Variants in FLNC observed in about 807,000 individuals in gnomAD.
FLNC encodes the protein filamin C.
A neutral mutation model predicts 254.3 loss-of-function variants in FLNC; 91 were observed. The ratio of observed to expected loss-of-function variants is 0.36; its 90% CI spans 0.30 to 0.43. The LOEUF (loss-of-function observed/expected upper bound fraction) is 0.43. Ranked by LOEUF, FLNC falls within the 20% of genes least tolerant of loss-of-function variation. The pLI, the probability that FLNC is intolerant of heterozygous loss-of-function variation, is 1.00. For missense variants in FLNC, 2,853 were observed against 3,802.6 expected (o/e 0.75, Z 6.57); for synonymous variants, 1,430 against 1,577.2 (o/e 0.91, Z 2.21).
Position 128,838,374 on chromosome 7 carries a change from G to A in FLNC, c.1155G>A (p.Leu385=). ...AGGTGTCAGCCCGTGGCCCTGGCCT[G>A]GAACCTGTGGGCAATGTGGCCAACA... ...ANKVSARGPG[L]EPVGNVANKP... Residue 385 remains leucine, a synonymous_variant, in exon 7 of 48, where the codon CTG becomes CTA. Transcript: ENST00000325888. The A allele has an allele frequency of 1.9e-6, 3 of 1,614,108 alleles. No homozygotes were observed. Among genetic ancestry groups the A allele is most frequent in the South Asian group, 2.2e-5 (2 of 91,082 alleles).
intron 20 of FLNC, 36 bp downstream of exon 20, chr7:128,844,302 G>C (rs1463249756): frequency 7.0e-6 from 11 of 1,573,772 alleles, no homozygotes; most frequent in Non-Finnish European, 9.5e-6. Flanking sequence ...CTGGGAGTTG[G>C]GGACTTGTTG....
At chr7:128,831,143 C>T (rs1807875506) in intron 1 of FLNC, among the ~76,000 whole-genome samples, 154 bp downstream of exon 1, 1 of 152,106 alleles carries the variant, frequency 6.6e-6, no homozygotes, top group Admixed American at 6.5e-5. Flanking sequence ...GCCCTCCCAC[C>T]CATCGACAAG....
At position 128,844,182 on chromosome 7, in the gene FLNC, C is replaced by T. The variant is rs1808458303; in HGVS notation, c.3108C>T (p.Tyr1036=). 1 of 1,613,826 alleles carries T rather than the reference C, an allele frequency of 6.2e-7. No individual in the cohort carries two copies. The highest frequency in any genetic ancestry group is 1.1e-5 in the South Asian group (1 of 91,052). Residue 1036 remains tyrosine, a synonymous_variant, in exon 20 of 48, where the codon TAC becomes TAT. Coordinates refer to ENST00000325888, the MANE Select transcript of FLNC (RefSeq NM_001458.5). The part of the protein sequence containing the change: ...VRYMPPEEGP[Y]KVDITYDGHP... ...ACATGCCCCCGGAGGAGGGGCCCTA[C>T]AAGGTGGATATCACCTACGATGGTC...
rs1808103498 is a variant in FLNC, at chr7:128,836,635, C to T, written c.602-525C>T. 6.6e-6 allele frequency among the ~76,000 whole-genome samples: 1 copy of T among 152,202 alleles called. No individual in the cohort carries two copies. Among genetic ancestry groups the T allele is most frequent in the Non-Finnish European group, 1.5e-5 (1 of 68,042 alleles). On this transcript the variant is annotated intron_variant, in intron 2 of 47. Coordinates refer to ENST00000325888, the MANE Select transcript of FLNC (RefSeq NM_001458.5). The surrounding 1 kb of genome is among the most constrained non-coding windows in gnomAD (Gnocchi z 6.0). ...TTCTCTCCTCACAGGCCCTTTAATG[C>T]CTCAGTTTCCCCAAGTGAGCAGTTA...
rs764539989 is a variant in FLNC, at chr7:128,851,540, T to A, written c.5754T>A (p.Tyr1918Ter). Residue 1918 changes from tyrosine to a stop codon, truncating the protein, a stop_gained, in exon 35 of 48, where the codon TAT becomes TAA. Coordinates refer to ENST00000325888, the MANE Select transcript of FLNC (RefSeq NM_001458.5). LOFTEE classifies it high-confidence loss of function. ...AGGATGGCACCTGCACCGTGTCCTATCTGCCGACTGCGCCTGGAGACTACA... is the reference window on the plus strand; with the variant it reads ...AGGATGGCACCTGCACCGTGTCCTAACTGCCGACTGCGCCTGGAGACTACA... ...DNKDGTCTVSYLPTAPGDYSI... is the reference protein window; with the variant it reads ...DNKDGTCTVS The A allele has an allele frequency of 1.2e-6, 2 of 1,613,980 alleles. No individual in the cohort carries two copies. Among genetic ancestry groups the A allele is most frequent in the Non-Finnish European group, 8.5e-7 (1 of 1,180,040 alleles).
In FLNC at chr7:128,843,468, A is replaced by G. The variant is rs757445987; in HGVS notation, c.2702A>G (p.Lys901Arg). 1.9e-6 allele frequency: 3 copies of G among 1,614,146 alleles called. No individual in the cohort carries two copies. Among genetic ancestry groups the G allele is most frequent in the Non-Finnish European group, 1.7e-6 (2 of 1,180,016 alleles). The stretch of plus-strand genomic sequence containing the variant: ...CTGACCAAGGGAGCCGGCAAGGCCA[A>G]GCTGGATGTGCAGTTTGCAGGGACA... ...TVLTKGAGKA[K>R]LDVQFAGTAK... The change falls in exon 18 of 48, where the codon AAG (lysine) becomes AGG (arginine). Residue 901 changes from lysine (K) to arginine (R), a missense_variant. By Grantham distance (26) the Lys-to-Arg change is conservative (BLOSUM62 2). Around this residue, in one of 10 missense-constraint regions of FLNC, gnomAD observed 1,573 missense variants for 1,883.5 expected, o/e 0.84. Transcript: ENST00000325888.
chr7:128,854,483 C>T lies in FLNC; in HGVS notation c.6798C>T (p.Ile2266=), dbSNP rs754105222. The T allele has an allele frequency of 1.0e-5, 16 of 1,606,884 alleles. No homozygotes were observed. The South Asian group carries it at 1.1e-4, about 11-fold the overall frequency. Residue 2266 remains isoleucine, a synonymous_variant, in exon 41 of 48, where the codon ATC becomes ATT. Transcript: ENST00000325888. ...SPSGKVEAAE[I]VEGEDSAYSV... Reference sequence around the variant, plus strand: ...CGGGCAAGGTGGAAGCCGCAGAGATCGTCGAGGGCGAGGACAGCGCCTACA... The same window carrying T: ...CGGGCAAGGTGGAAGCCGCAGAGATTGTCGAGGGCGAGGACAGCGCCTACA...
intron 8 of FLNC, among the ~76,000 whole-genome samples, chr7:128,839,143 G>A (rs1808225388): frequency 6.6e-6 from 1 of 152,258 alleles, no homozygotes; most frequent in Admixed American, 6.5e-5. Flanking sequence ...CGAGAGTGAT[G>A]CCACATTAAT....
chr7:128,831,080 TGAGA>T (rs1297677243), intron 1 of FLNC, 91 bp downstream of exon 1: 3 of 1,266,520 alleles, frequency 2.4e-6, no homozygotes, highest in Non-Finnish European at 3.3e-6. Flanking sequence ...CGCGGGGAGC[TGAGA>T]GACAGGGCGG....
At chr7:128,848,094 G>A in intron 26 of FLNC, 26 bp downstream of exon 26, 1 of 1,588,418 alleles carries the variant, frequency 6.3e-7, no homozygotes, top group Non-Finnish European at 8.6e-7. Flanking sequence ...GGGCTCCTGT[G>A]CTGCGGCTGA....
intron 8 of FLNC, among the ~76,000 whole-genome samples, chr7:128,839,453 C>A (rs1187663953): frequency 6.6e-6 from 1 of 152,204 alleles, no homozygotes; most frequent in Non-Finnish European, 1.5e-5. Flanking sequence ...TGTTTCGTAG[C>A]ACCTGTGGGT....
Position 128,841,695 on chromosome 7 carries a change from TA to T in FLNC, c.2121+129del. The T allele has an allele frequency of 2.6e-6, 2 of 764,936 alleles. No individual in the cohort carries two copies. Among genetic ancestry groups the T allele is most frequent in the Non-Finnish European group, 4.7e-6 (2 of 423,656 alleles). 47.4% of individuals were successfully genotyped at this position (764,936 alleles called of 1,614,324 possible). ...ATCACAGAAGATCAGGCAGGACTGA[TA>T]CTCATGGGCCCATCAGTACCATGGA... On this transcript the variant is annotated intron_variant, in intron 13 of 47. Coordinates refer to ENST00000325888, the MANE Select transcript of FLNC (RefSeq NM_001458.5). The surrounding 1 kb of genome is among the most constrained non-coding windows in gnomAD (Gnocchi z 4.3).
At position 128,830,964 on chromosome 7, in the gene FLNC, C is replaced by G. The variant is rs750328194; in HGVS notation, c.327C>G (p.Arg109=). ...NVSVALEFLE[R]EHIKLVSIDS... ...CCGTGGCCCTCGAGTTCCTCGAGCG[C>G]GAGCACATCAAGCTCGTGTCCATAG... Residue 109 remains arginine, a synonymous_variant, in exon 1 of 48, where the codon CGC becomes CGG. Transcript: ENST00000325888. The G allele has an allele frequency of 2.0e-5, 32 of 1,609,566 alleles. No homozygotes were observed. The highest frequency in any genetic ancestry group is 2.5e-5 in the Non-Finnish European group (30 of 1,179,952).
Position 128,853,028 on chromosome 7 carries a change from G to A in FLNC, c.6205G>A (p.Ala2069Thr), listed in dbSNP as rs368562957. 1 of 1,613,066 alleles carries A rather than the reference G, an allele frequency of 6.2e-7. No homozygotes were observed. Residue 2069 changes from alanine to threonine, a missense_variant, in exon 37 of 48, where the codon GCA becomes ACA. Around this residue, in one of 10 missense-constraint regions of FLNC, gnomAD observed 551 missense variants for 835.0 expected, o/e 0.66. Coordinates refer to ENST00000325888, the MANE Select transcript of FLNC (RefSeq NM_001458.5). ...AGAGTTCATCGTGGACACTCGCAAT[G>A]CAGGTACCTCCTGCCCCAGAGAGCC... is the stretch of plus-strand genomic sequence containing the variant. The part of the protein sequence containing the change: ...VAEFIVDTRN[A>T]GYGGLGLSIE...
rs1172570582 is a variant in FLNC, at chr7:128,830,829, C to G, written c.192C>G (p.Leu64=). The G allele has an allele frequency of 1.1e-5, 18 of 1,612,988 alleles. No individual in the cohort carries two copies. The Middle Eastern group carries it at 4.9e-4, about 44-fold the overall frequency. Residue 64 remains leucine (L), a synonymous_variant, in exon 1 of 48, where the codon CTC becomes CTG. Coordinates refer to ENST00000325888, the MANE Select transcript of FLNC (RefSeq NM_001458.5). ...GCCTGACCGACCTGCAGCGCGACCTCAGCGACGGGCTCCGGCTCATCGCGC... is the reference window on the plus strand; with the variant it reads ...GCCTGACCGACCTGCAGCGCGACCTGAGCGACGGGCTCCGGCTCATCGCGC... ...GKRLTDLQRD[L]SDGLRLIALL...
At chr7:128,855,539 GGT>G (rs1809021099) in intron 43 of FLNC, among the ~76,000 whole-genome samples, 1 of 152,202 alleles carries the variant, frequency 6.6e-6, no homozygotes, top group African/African-American at 2.4e-5. Context: ...CCTTTCTCAG[GGT>G]GTGTCTGCCT....
chr7:128,840,687 C>T lies in FLNC; in HGVS notation c.1676+13C>T, dbSNP rs927536334. ...CCATCCCTCGCAGGTGAGTACCTTG[C>T]GCCCCCCATGCTGTCCTGTCTAGGC... On this transcript the variant is annotated intron_variant, in intron 10 of 47. Coordinates refer to ENST00000325888, the MANE Select transcript of FLNC (RefSeq NM_001458.5). The T allele has an allele frequency of 8.1e-6, 13 of 1,612,556 alleles. No individual in the cohort carries two copies. Among genetic ancestry groups the T allele is most frequent in the Admixed American group, 1.7e-5 (1 of 59,958 alleles).
chr7:128,849,079 G>T, intron 28 of FLNC, 97 bp downstream of exon 28: 1 of 1,588,364 alleles, frequency 6.3e-7, no homozygotes. Flanking sequence ...GCTGGTCGGA[G>T]AGCACACATG....
At chr7:128,838,527 TG>T in intron 7 of FLNC, 75 bp from the exon 8 acceptor site, 1 of 825,260 alleles carries the variant, frequency 1.2e-6, no homozygotes, top group Non-Finnish European at 1.9e-6. Flanking sequence ...AGCCAGAGGG[TG>T]GGCAGCCTCA....
Sources: gnomAD v4.1 joint callset for allele counts (sites outside exome capture counted in the v4.1 genomes callset) on GRCh38, gnomAD v4.1.1 for gene constraint, gnomAD v4.1.1 regional missense constraint, Gnocchi (gnomAD v3.1) non-coding constraint, MANE v1.5 for transcripts, NCBI Gene and HGNC (gene_info 2026-07-23, HGNC 2026-07-21) for gene names.